Variants in CCDC141 observed in about 807,000 individuals in gnomAD.
The protein encoded by CCDC141 is coiled-coil domain-containing protein 141.
A neutral mutation model predicts 181.0 loss-of-function variants in CCDC141; 168 were observed. The ratio of observed to expected loss-of-function variants is 0.93; its 90% CI spans 0.82 to 1.05. CCDC141 has a LOEUF of 1.05. Among genes scored for constraint, CCDC141 ranks in the 50% least tolerant of loss-of-function variants. The pLI is 0.00. For synonymous variants in CCDC141, 666 were observed against 642.3 expected, an observed-to-expected ratio of 1.04 and a Z score of -0.56; for missense variants, 1,902 against 1,788.5, an observed-to-expected ratio of 1.06 and a Z score of -1.14.
intron 2 of CCDC141, among the ~76,000 whole-genome samples, chr2:179,010,340 C>T (rs1480334540): frequency 1.3e-5 from 2 of 152,120 alleles, no homozygotes; most frequent in Non-Finnish European, 2.9e-5. Context: ...CACCTAGGTG[C>T]ATTGTCATCA....
At chr2:178,878,174 T>A (rs1426497730) in intron 11 of CCDC141, 31 bp from the exon 12 acceptor site, 11 of 1,459,508 alleles carry the variant, frequency 7.5e-6, no homozygotes, top group Non-Finnish European at 9.2e-6. Context: ...TTAAGAACAC[T>A]TAAACACATT....
At chr2:178,859,198 T>G (rs1368684025) in intron 17 of CCDC141, among the ~76,000 whole-genome samples, 1 of 152,176 alleles carries the variant, frequency 6.6e-6, no homozygotes. Context: ...TCTCTGTGCC[T>G]TTTTCAACTC....
the CCDC141 span, among the ~76,000 whole-genome samples, chr2:178,816,319 T>C: frequency 6.6e-6 from 1 of 152,222 alleles, no homozygotes; most frequent in Non-Finnish European, 1.5e-5. Flanking sequence ...TCAGATTAAC[T>C]TCTTTCACTT....
rs1353055466 is a variant in CCDC141, at chr2:178,967,687, G to A, written c.527-6204C>T. On this transcript the variant is annotated intron_variant, in intron 4 of 23. Transcript: ENST00000443758. Reference sequence around the variant, plus strand: ...CTACGAAGAAACTGCATCAACTAACGGGCAAAACAACCAGCTAGCATCATA... The same window carrying A: ...CTACGAAGAAACTGCATCAACTAACAGGCAAAACAACCAGCTAGCATCATA... 1.1e-4 allele frequency among the ~76,000 whole-genome samples: 16 copies of A among 152,130 alleles called. 1 individual carries two copies. The highest frequency in any genetic ancestry group is 6.5e-4 in the Admixed American group (10 of 15,270).
intron 23 of CCDC141, 154 bp downstream of exon 23, chr2:178,836,738 TGA>T: frequency 1.4e-6 from 1 of 736,300 alleles, no homozygotes; most frequent in African/African-American, 1.8e-5. Flanking sequence ...GCTACTAAAA[TGA>T]GAGGGGTCTG....
chr2:178,884,974 A>G lies in CCDC141; in HGVS notation c.1646T>C (p.Leu549Pro). The G allele has an allele frequency of 6.4e-7, 1 of 1,550,510 alleles. No homozygotes were observed. Among genetic ancestry groups the G allele is most frequent in the African/African-American group, 1.4e-5 (1 of 73,184 alleles). The stretch of plus-strand genomic sequence containing the variant: ...TCTATAGTCAATGCTTTGGCCAAAT[A>G]GGTTTAATTCTTCTGCTAGCCATCT... ...KARWLAEELN[L>P]FGQSIDYRSQ... Residue 549 changes from leucine (L) to proline (P), a missense_variant, in exon 11 of 24, where the codon CTA becomes CCA. Transcript: ENST00000443758.
At chr2:178,838,774 A>G (rs1266330902) in intron 22 of CCDC141, among the ~76,000 whole-genome samples, 3 of 152,174 alleles carry the variant, frequency 2.0e-5, no homozygotes, top group African/African-American at 4.8e-5. Context: ...CTCCAATCTG[A>G]GTGTAGTCCT....
At chr2:178,962,256 G>A (rs1324067922) in intron 4 of CCDC141, among the ~76,000 whole-genome samples, 1 of 152,188 alleles carries the variant, frequency 6.6e-6, no homozygotes, top group African/African-American at 2.4e-5. Flanking sequence ...AGAAAGTGTA[G>A]AAGGAGAAAG....
intron 9 of CCDC141, among the ~76,000 whole-genome samples, chr2:178,887,943 C>T (rs1426744496): frequency 6.6e-6 from 1 of 152,124 alleles, no homozygotes; most frequent in East Asian, 1.9e-4. Flanking sequence ...TCTTATTCCC[C>T]TTTGGAAACA....
At chr2:179,041,076 T>A (rs1246092184) in intron 2 of CCDC141, among the ~76,000 whole-genome samples, 1 of 152,068 alleles carries the variant, frequency 6.6e-6, no homozygotes, top group African/African-American at 2.4e-5. Context: ...TGTTTGTTTG[T>A]TTGTTTGTTT....
At chr2:178,904,805 C>T (rs1020062072) in intron 8 of CCDC141, among the ~76,000 whole-genome samples, 2 of 152,126 alleles carry the variant, frequency 1.3e-5, no homozygotes, top group Non-Finnish European at 1.5e-5. Flanking sequence ...AACAGGCCCA[C>T]CTAGAGCACT....
chr2:178,970,517 G>A (rs956718597), intron 4 of CCDC141, among the ~76,000 whole-genome samples: 11 of 152,134 alleles, frequency 7.2e-5, no homozygotes, highest in Non-Finnish European at 8.8e-5. Context: ...ACATGCAATG[G>A]GGAAAATATT....
chr2:178,936,479 T>C (rs181569945), intron 6 of CCDC141, among the ~76,000 whole-genome samples: 32 of 152,190 alleles, frequency 2.1e-4, no homozygotes, highest in Non-Finnish European at 3.4e-4. Flanking sequence ...ACTAGTTCCA[T>C]GCTGTTTTGG....
At chr2:179,015,093 TATATATATATA>T (rs1328600062) in intron 2 of CCDC141, among the ~76,000 whole-genome samples, 1 of 41,994 alleles carries the variant, frequency 2.4e-5, no homozygotes, top group Admixed American at 2.1e-4. Context: ...TATATATATA[TATATATATATA>T]ATATATATAT....
intron 7 of CCDC141, among the ~76,000 whole-genome samples, chr2:178,908,970 T>G (rs997545860): frequency 1.3e-5 from 2 of 152,202 alleles, no homozygotes; most frequent in Non-Finnish European, 2.9e-5. Context: ...AAAAAGTGAC[T>G]GAGAAGAGCA....
At chr2:178,844,948 A>G (rs1421026912) in intron 22 of CCDC141, among the ~76,000 whole-genome samples, 2 of 152,238 alleles carry the variant, frequency 1.3e-5, no homozygotes, top group Non-Finnish European at 2.9e-5. Flanking sequence ...TGAGCAACTT[A>G]TGCTGAAAAA....
intron 22 of CCDC141, among the ~76,000 whole-genome samples, chr2:178,843,638 G>C (rs536259663): frequency 6.6e-6 from 1 of 152,258 alleles, no homozygotes; most frequent in South Asian, 2.1e-4. Context: ...TCTTATAGTA[G>C]TTCAGTGGAA....
At chr2:178,999,822 A>G (rs1222992203) in intron 2 of CCDC141, among the ~76,000 whole-genome samples, 1 of 151,986 alleles carries the variant, frequency 6.6e-6, no homozygotes, top group African/African-American at 2.4e-5. Context: ...AACACTATTC[A>G]GAAGTTGTCT....
rs267599102 is a variant in CCDC141 at position 178,872,187 on chromosome 2, C to T, written c.2025G>A (p.Thr675=). 1.2e-6 allele frequency: 2 copies of T among 1,613,982 alleles called. No homozygotes were observed. The highest frequency in any genetic ancestry group is 1.7e-6 in the Non-Finnish European group (2 of 1,179,964). The change falls in exon 13 of 24, where the codon ACG becomes ACA. Residue 675 remains threonine (T), a synonymous_variant. Transcript: ENST00000443758. ...LLRLAWQLKA[T]ESKPGKQQWA... ...ACTGCTGTTTTCCAGGCTTGCTTTC[C>T]GTGGCTTTAAGCTGCCATGCCAGCC...
Sources: gnomAD v4.1 joint callset for allele counts (sites outside exome capture counted in the v4.1 genomes callset) on GRCh38, gnomAD v4.1.1 for gene constraint, MANE v1.5 for transcripts, NCBI Gene and HGNC (gene_info 2026-07-23, HGNC 2026-07-21) for gene names.